Variants in ANKS1B observed in about 807,000 individuals in gnomAD.
The protein encoded by ANKS1B is ankyrin repeat and sterile alpha motif domain containing 1B, also known as ankyrin repeat and sterile alpha motif domain-containing protein 1B.
ANKS1B carries 36 observed loss-of-function variants against 148.3 expected under a neutral mutation model. The ratio of observed to expected loss-of-function variants is 0.24; its 90% CI spans 0.19 to 0.32. The LOEUF (loss-of-function observed/expected upper bound fraction) is 0.32. ANKS1B is among the 10% of genes least tolerant of loss of function. ANKS1B has a pLI of 1.00. For synonymous variants in ANKS1B, 542 were observed against 560.8 expected, an observed-to-expected ratio of 0.97 and a Z score of 0.47; for missense variants, 1,157 against 1,542.6, an observed-to-expected ratio of 0.75 and a Z score of 4.19.
intron 10 of ANKS1B, among the ~76,000 whole-genome samples, chr12:99,461,950 C>T (rs557827147): frequency 6.6e-6 from 1 of 152,324 alleles, no homozygotes; most frequent in African/African-American, 2.4e-5. Flanking sequence ...AATCCCATCT[C>T]TATCCTTTTA....
At chr12:99,452,899 T>C (rs1054472411) in intron 10 of ANKS1B, among the ~76,000 whole-genome samples, 1 of 152,204 alleles carries the variant, frequency 6.6e-6, no homozygotes, top group African/African-American at 2.4e-5. Flanking sequence ...AGACAGCCTC[T>C]AGGATGGTCC....
chr12:99,384,524 T>C (rs1422962053), intron 12 of ANKS1B, among the ~76,000 whole-genome samples: 2 of 151,444 alleles, frequency 1.3e-5, no homozygotes, highest in East Asian at 3.9e-4. Context: ...TCATTTTTCA[T>C]AGTAAGTGGC....
chr12:99,216,938 T>C (rs1181949631), intron 14 of ANKS1B, among the ~76,000 whole-genome samples: 1 of 152,174 alleles, frequency 6.6e-6, no homozygotes, highest in Non-Finnish European at 1.5e-5. Flanking sequence ...GAAGATGCAG[T>C]CCTCATCCCC....
intron 18 of ANKS1B, chr12:98,831,421 T>C (rs1398227303): frequency 6.6e-6 from 1 of 152,300 alleles, no homozygotes; most frequent in Non-Finnish European, 1.5e-5. Context: ...CTGTGGTCCT[T>C]GATCAATTTT....
chr12:98,850,145 C>T (rs536485333), intron 17 of ANKS1B, among the ~76,000 whole-genome samples: 5 of 152,042 alleles, frequency 3.3e-5, no homozygotes, highest in Admixed American at 6.5e-5. Context: ...CTCTTATCTT[C>T]ATTAAATGAA....
intron 9 of ANKS1B, among the ~76,000 whole-genome samples, chr12:99,608,913 G>A (rs773167924): frequency 6.6e-6 from 1 of 152,046 alleles, no homozygotes; most frequent in Non-Finnish European, 1.5e-5. Flanking sequence ...CTGAATGGAA[G>A]ATAGACGGTG....
intron 9 of ANKS1B, among the ~76,000 whole-genome samples, chr12:99,615,058 T>C (rs1403802219): frequency 6.6e-6 from 1 of 152,132 alleles, no homozygotes; most frequent in Non-Finnish European, 1.5e-5. Context: ...ATCATGAAAA[T>C]AGTGTTTATA....
chr12:99,665,309 G>A (rs1342995073), intron 8 of ANKS1B, among the ~76,000 whole-genome samples: 2 of 152,138 alleles, frequency 1.3e-5, no homozygotes, highest in African/African-American at 2.4e-5. Context: ...TGCATGTAGA[G>A]TTATCGCAAT....
chr12:99,571,708 G>A (rs1460174341), intron 9 of ANKS1B, among the ~76,000 whole-genome samples: 2 of 152,076 alleles, frequency 1.3e-5, no homozygotes, highest in Admixed American at 6.5e-5. Context: ...TTATTTCAAT[G>A]ATCATAGAGC....
chr12:99,639,769 A>G (rs763693649), intron 9 of ANKS1B, among the ~76,000 whole-genome samples: 5 of 152,200 alleles, frequency 3.3e-5, no homozygotes, highest in African/African-American at 1.2e-4. Flanking sequence ...AGGCATCCCC[A>G]GCCCAGCAGA....
intron 9 of ANKS1B, among the ~76,000 whole-genome samples, chr12:99,654,532 T>C (rs976067686): frequency 2.6e-5 from 4 of 152,212 alleles, no homozygotes; most frequent in African/African-American, 9.6e-5. Flanking sequence ...AAGGTGATAC[T>C]ACAGATTTAA....
intron 17 of ANKS1B, among the ~76,000 whole-genome samples, chr12:99,036,663 G>A (rs2099955755): frequency 6.6e-6 from 1 of 152,200 alleles, no homozygotes; most frequent in Non-Finnish European, 1.5e-5. Flanking sequence ...TTTGATATTT[G>A]TGAAGCAAAT....
intron 9 of ANKS1B, among the ~76,000 whole-genome samples, chr12:99,619,390 G>A (rs2133873): frequency 0.24 from 36,777 of 151,680 alleles, 4,570 homozygotes; most frequent in Non-Finnish European, 0.27. Context: ...TTAGAGCACC[G>A]ATTCACATGA....
intron 1 of ANKS1B, among the ~76,000 whole-genome samples, chr12:99,879,162 T>C (rs1433147039): frequency 6.6e-6 from 1 of 152,156 alleles, no homozygotes; most frequent in African/African-American, 2.4e-5. Context: ...GAAGCCCACA[T>C]GTCAGTATCT....
chr12:98,923,350 C>T (rs930599900), intron 17 of ANKS1B, among the ~76,000 whole-genome samples: 2 of 152,120 alleles, frequency 1.3e-5, no homozygotes, highest in Non-Finnish European at 2.9e-5. Flanking sequence ...CCAAATAAAC[C>T]TCTTTTCTTT....
intron 8 of ANKS1B, among the ~76,000 whole-genome samples, chr12:99,684,611 C>A (rs1438026432): frequency 6.6e-6 from 1 of 151,942 alleles, no homozygotes; most frequent in Non-Finnish European, 1.5e-5. Context: ...AAAGAGCCTG[C>A]ATAGCCAGAG....
At chr12:99,039,576 A>G (rs890071307) in intron 17 of ANKS1B, among the ~76,000 whole-genome samples, 2 of 152,170 alleles carry the variant, frequency 1.3e-5, no homozygotes, top group African/African-American at 4.8e-5. Flanking sequence ...TAGAAACTGA[A>G]ATTGGCTCAT....
chr12:99,128,600 T>C (rs2065117944), intron 15 of ANKS1B, among the ~76,000 whole-genome samples: 1 of 152,240 alleles, frequency 6.6e-6, no homozygotes, highest in Non-Finnish European at 1.5e-5. Flanking sequence ...GAAACTTGTC[T>C]GTTCATCTGT....
intron 15 of ANKS1B, among the ~76,000 whole-genome samples, chr12:99,132,615 A>AAGGGGGGC (rs1380908478): frequency 6.6e-6 from 1 of 152,198 alleles, no homozygotes; most frequent in African/African-American, 2.4e-5. Context: ...TGGCCAAAAA[A>AAGGGGGGC]AGGGGGGCTT....
Sources: gnomAD v4.1 joint callset for allele counts (sites outside exome capture counted in the v4.1 genomes callset) on GRCh38, gnomAD v4.1.1 for gene constraint, MANE v1.5 for transcripts, NCBI Gene and HGNC (gene_info 2026-07-23, HGNC 2026-07-21) for gene names.